Variants in POU2AF1 observed in about 807,000 individuals in gnomAD.
The protein encoded by POU2AF1 is POU domain class 2-associating factor 1.
POU2AF1 carries 12 observed loss-of-function variants against 26.3 expected under a neutral mutation model. The observed-to-expected ratio is 0.46, with a 90% CI of 0.29 to 0.74. The LOEUF is 0.74. Ranked by LOEUF, POU2AF1 falls within the 30% of genes least tolerant of loss-of-function variation. The probability of loss-of-function intolerance (pLI) is 0.09; values close to 1 mark genes in which losing one functional copy is unlikely to be tolerated. For missense variants in POU2AF1, 297 were observed against 334.5 expected (o/e 0.89, Z 0.87); for synonymous variants, 175 against 148.0 (o/e 1.18, Z -1.32).
intron 1 of POU2AF1, among the ~76,000 whole-genome samples, chr11:111,360,598 C>T (rs1466043121): frequency 1.3e-5 from 2 of 152,170 alleles, no homozygotes; most frequent in Non-Finnish European, 2.9e-5. Context: ...GGTAGCAAAT[C>T]AACCAGGAAA....
intron 1 of POU2AF1, among the ~76,000 whole-genome samples, chr11:111,365,800 T>C (rs1441116601): frequency 3.3e-5 from 5 of 150,644 alleles, no homozygotes; most frequent in South Asian, 2.1e-4. Context: ...GAGGTTGCAG[T>C]GAGCCAAGAT....
Position 111,353,044 on chromosome 11 carries a change from AGG to A in POU2AF1, c.*1215_*1216del. 1 of 187,382 alleles carries A rather than the reference AGG, an allele frequency of 5.3e-6. No individual in the cohort carries two copies. The highest frequency in any genetic ancestry group is 1.0e-5 in the Non-Finnish European group (1 of 99,262). The allele number at this position is 187,382 out of a possible 1,614,324, so 11.6% of individuals were successfully genotyped here. On this transcript the variant is annotated 3_prime_UTR_variant, in exon 5 of 5. Transcript: ENST00000393067. ...AAGGAAGGAAGGAAGGAAGGAAGGA[AGG>A]AAGGAAGGAAAGAAACAAAACCCAC...
chr11:111,364,027 A>C, intron 1 of POU2AF1: 1 of 980,962 alleles, frequency 1.0e-6, no homozygotes, highest in Non-Finnish European at 1.2e-6. Flanking sequence ...GGGGAAAAAA[A>C]ATCATTTACA....
At chr11:111,356,927 C>A (rs528411296) in intron 4 of POU2AF1, among the ~76,000 whole-genome samples, 1 of 152,298 alleles carries the variant, frequency 6.6e-6, no homozygotes, top group Admixed American at 6.5e-5. Context: ...TTGAACAAGG[C>A]AATCTGACAG....
chr11:111,374,879 T>G (rs763931734), intron 1 of POU2AF1, among the ~76,000 whole-genome samples: 28 of 152,234 alleles, frequency 1.8e-4, no homozygotes, highest in Non-Finnish European at 3.7e-4. Context: ...AAAAATTATA[T>G]GCATAGTACA....
chr11:111,366,632 A>G (rs924711035), intron 1 of POU2AF1, among the ~76,000 whole-genome samples: 1 of 152,178 alleles, frequency 6.6e-6, no homozygotes, highest in Non-Finnish European at 1.5e-5. Context: ...TCACTCATCA[A>G]CCATAGGCAG....
rs1463480989 is a variant in POU2AF1, at chr11:111,353,364, C to T, written c.*897G>A. ...CCCTGCATCAAACTCAAGCTTCCTC[C>T]CACACCCCTCTCTCCAACTAAGATG... On this transcript the variant is annotated 3_prime_UTR_variant, in exon 5 of 5. Coordinates refer to ENST00000393067, the MANE Select transcript of POU2AF1 (RefSeq NM_006235.3). 2 of 233,958 alleles carry T rather than the reference C, an allele frequency of 8.5e-6. No individual in the cohort carries two copies. The highest frequency in any genetic ancestry group is 6.0e-5 in the East Asian group (1 of 16,618). 14.5% of individuals were successfully genotyped at this position (233,958 alleles called of 1,614,324 possible).
At chr11:111,364,374 C>A (rs1861065965) in intron 1 of POU2AF1, 1 of 152,184 alleles carries the variant, frequency 6.6e-6, no homozygotes. Flanking sequence ...AAAATATCAC[C>A]CAGGAAACAT....
chr11:111,360,488 G>A (rs950001799), intron 1 of POU2AF1, among the ~76,000 whole-genome samples: 1 of 152,204 alleles, frequency 6.6e-6, no homozygotes, highest in African/African-American at 2.4e-5. Flanking sequence ...AGAGGCAACA[G>A]GAAGTGGGAA....
chr11:111,363,041 G>A lies in POU2AF1; in HGVS notation c.17-4123C>T, dbSNP rs868569223. On this transcript the variant is annotated intron_variant, in intron 1 of 4. Coordinates refer to ENST00000393067, the MANE Select transcript of POU2AF1 (RefSeq NM_006235.3). ...TCCCGCCTCCTACTGTTTCTAAGTC[G>A]ATGAACAAAGAGCGCTTGGTGGAGG... is the stretch of plus-strand genomic sequence containing the variant. The A allele has an allele frequency of 4.5e-5, 34 of 756,414 alleles. No homozygotes were observed. The Admixed American group carries it at 1.7e-3, about 38-fold the overall frequency. 46.9% of individuals were successfully genotyped at this position (756,414 alleles called of 1,614,324 possible).
intron 2 of POU2AF1, 69 bp from the exon 3 acceptor site, chr11:111,357,906 GC>G (rs1860883643): frequency 1.4e-6 from 2 of 1,443,778 alleles, no homozygotes; most frequent in Non-Finnish European, 1.9e-6. Flanking sequence ...CAGAGAACTT[GC>G]CCAGAGGGCC....
At chr11:111,375,626 C>T (rs1331555923) in intron 1 of POU2AF1, among the ~76,000 whole-genome samples, 1 of 152,058 alleles carries the variant, frequency 6.6e-6, no homozygotes, top group African/African-American at 2.4e-5. Flanking sequence ...GTCTCGATCT[C>T]CTGACCTCGT....
At chr11:111,358,376 T>TCACA (rs1170261792) in intron 2 of POU2AF1, among the ~76,000 whole-genome samples, 2 of 18,792 alleles carry the variant, frequency 1.1e-4, no homozygotes, top group Admixed American at 7.5e-4. Flanking sequence ...ACTCACACAC[T>TCACA]CTCTCACACA....
At chr11:111,357,975 C>T (rs924121951) in intron 2 of POU2AF1, 138 bp from the exon 3 acceptor site, 5 of 946,966 alleles carry the variant, frequency 5.3e-6, no homozygotes, top group African/African-American at 5.0e-5. Context: ...CATCCCACCC[C>T]GTATCCCAAC....
intron 1 of POU2AF1, among the ~76,000 whole-genome samples, chr11:111,378,326 T>C (rs572465183): frequency 6.6e-6 from 1 of 152,336 alleles, no homozygotes. Context: ...TTGGTCATTC[T>C]TCTTGCTTGA....
chr11:111,358,713 C>G, intron 2 of POU2AF1, 75 bp downstream of exon 2: 2 of 1,502,356 alleles, frequency 1.3e-6, no homozygotes, highest in South Asian at 2.4e-5. Context: ...CACACATACA[C>G]TCTCACACTA....
intron 2 of POU2AF1, 92 bp downstream of exon 2, chr11:111,358,696 A>AAT: frequency 1.4e-6 from 2 of 1,398,614 alleles, no homozygotes; most frequent in Non-Finnish European, 9.7e-7. Flanking sequence ...GCATACACAT[A>AAT]CTCACACACA....
At chr11:111,358,976 A>T in intron 1 of POU2AF1, 58 bp from the exon 2 acceptor site, 1 of 1,551,058 alleles carries the variant, frequency 6.4e-7, no homozygotes, top group Non-Finnish European at 8.7e-7. Context: ...CCCCACCCCA[A>T]AGTGCTCATT....
intron 1 of POU2AF1, among the ~76,000 whole-genome samples, chr11:111,371,738 T>C (rs1861212946): frequency 6.6e-6 from 1 of 152,112 alleles, no homozygotes; most frequent in African/African-American, 2.4e-5. Context: ...TTATTGAGTG[T>C]TTACTTAATG....
Sources: gnomAD v4.1 joint callset for allele counts (sites outside exome capture counted in the v4.1 genomes callset) on GRCh38, gnomAD v4.1.1 for gene constraint, MANE v1.5 for transcripts, NCBI Gene and HGNC (gene_info 2026-07-23, HGNC 2026-07-21) for gene names.